Variants in SLC22A24 observed in about 807,000 individuals in gnomAD.
SLC22A24 encodes steroid transmembrane transporter SLC22A24.
A neutral mutation model predicts 49.8 loss-of-function variants in SLC22A24; 53 were observed. That is an observed-to-expected ratio of 1.06 (90% CI 0.85 to 1.34). SLC22A24 has a LOEUF of 1.34. Among genes scored for constraint, SLC22A24 ranks in the 40% most tolerant of loss-of-function variants. The pLI is 0.00. For missense variants in SLC22A24, 786 were observed against 675.9 expected (o/e 1.16, Z -1.81); for synonymous variants, 302 against 256.4 (o/e 1.18, Z -1.70).
chr11:63,106,740 T>C (rs1244631961), intron 4 of SLC22A24, among the ~76,000 whole-genome samples: 1 of 152,220 alleles, frequency 6.6e-6, no homozygotes, highest in Non-Finnish European at 1.5e-5. Context: ...TTGAGAAGTG[T>C]CTGTTCATAT....
At chr11:63,123,770 T>C (rs181581586) in intron 2 of SLC22A24, among the ~76,000 whole-genome samples, 2 of 152,304 alleles carry the variant, frequency 1.3e-5, no homozygotes, top group East Asian at 3.9e-4. Flanking sequence ...ACTCTTATTG[T>C]CTCTACCTCT....
Position 63,081,060 on chromosome 11 carries a change from C to G in SLC22A24, c.1458G>C (p.Leu486Phe). 6.4e-7 allele frequency: 1 copy of G among 1,551,674 alleles called. No individual in the cohort carries two copies. Among genetic ancestry groups the G allele is most frequent in the South Asian group, 1.2e-5 (1 of 84,054 alleles). The change falls in exon 9 of 10, where the codon TTG becomes TTC. Residue 486 changes from leucine (L) to phenylalanine (F), a missense_variant. Transcript: ENST00000612278. ...GGGGAGAATACGCCATTAAGGTCAT[C>G]AACAGAGGAGCCAGTGCTGCCCCAG... ...GRTGAALAPL[L>F]MTLMAYSPHL...
intron 1 of SLC22A24, among the ~76,000 whole-genome samples, chr11:63,142,806 C>G (rs750318869): frequency 2.0e-5 from 3 of 152,120 alleles, no homozygotes; most frequent in Non-Finnish European, 4.4e-5. Context: ...TCAGTCAGCA[C>G]TCTTGGCTCA....
chr11:63,108,814 C>A (rs1356979640), intron 4 of SLC22A24, among the ~76,000 whole-genome samples: 2 of 143,226 alleles, frequency 1.4e-5, no homozygotes, highest in African/African-American at 5.1e-5. Context: ...CTATTTGATT[C>A]TTTTTTTTTT....
chr11:63,107,644 G>A (rs2087130567), intron 4 of SLC22A24, among the ~76,000 whole-genome samples: 1 of 151,918 alleles, frequency 6.6e-6, no homozygotes, highest in South Asian at 2.1e-4. Context: ...GAAAAGTACT[G>A]TCACATCCCT....
At position 63,081,025 on chromosome 11, in the gene SLC22A24, C is replaced by A. The variant is rs1376689709; in HGVS notation, c.1493G>T (p.Trp498Leu). 1 of 1,551,556 alleles carries A rather than the reference C, an allele frequency of 6.4e-7. No individual in the cohort carries two copies. Among genetic ancestry groups the A allele is most frequent in the African/African-American group, 1.4e-5 (1 of 73,030 alleles). Residue 498 changes from tryptophan to leucine, a missense_variant, in exon 9 of 10, where the codon TGG becomes TTG. By Grantham distance (61) the Trp-to-Leu change is moderately conservative. Coordinates refer to ENST00000612278, the MANE Select transcript of SLC22A24 (RefSeq NM_001136506.2). ...TLMAYSPHLP[W>L]ISYGVFPILA... ...GATGGGGAAGACTCCATAGGAAATCCAGGGTAGGTGGGGAGAATACGCCAT... is the reference window on the plus strand; with the variant it reads ...GATGGGGAAGACTCCATAGGAAATCAAGGGTAGGTGGGGAGAATACGCCAT...
intron 2 of SLC22A24, among the ~76,000 whole-genome samples, chr11:63,121,860 A>G (rs1590744803): frequency 6.6e-6 from 1 of 152,072 alleles, no homozygotes; most frequent in African/African-American, 2.4e-5. Context: ...TCATTGTTCA[A>G]TTCCCACCTA....
chr11:63,122,974 A>G (rs2087262842), intron 2 of SLC22A24, among the ~76,000 whole-genome samples: 1 of 152,198 alleles, frequency 6.6e-6, no homozygotes, highest in South Asian at 2.1e-4. Flanking sequence ...GAAATATTAG[A>G]TATCCTCCTT....
At chr11:63,089,437 AAATACT>A (rs1355687203) in intron 6 of SLC22A24, among the ~76,000 whole-genome samples, 1 of 152,232 alleles carries the variant, frequency 6.6e-6, no homozygotes, top group Non-Finnish European at 1.5e-5. Flanking sequence ...TATGGAAAGG[AAATACT>A]GGTACCAGCC....
chr11:63,101,457 C>A (rs1490321042), intron 5 of SLC22A24, among the ~76,000 whole-genome samples: 1 of 151,746 alleles, frequency 6.6e-6, no homozygotes, highest in Non-Finnish European at 1.5e-5. Flanking sequence ...TAAATTAATG[C>A]TGATATTCAA....
At chr11:63,080,878 T>C in intron 9 of SLC22A24, 42 bp downstream of exon 9, 1 of 1,507,440 alleles carries the variant, frequency 6.6e-7, no homozygotes, top group Non-Finnish European at 9.0e-7. Context: ...CTACAGCACA[T>C]AGCCACTCCC....
chr11:63,092,158 A>G (rs1336367386), intron 6 of SLC22A24, among the ~76,000 whole-genome samples: 4 of 152,060 alleles, frequency 2.6e-5, no homozygotes, highest in African/African-American at 7.2e-5. Flanking sequence ...CACAATTGCT[A>G]CAAACGGAAT....
chr11:63,106,299 A>G (rs918385870), intron 4 of SLC22A24, among the ~76,000 whole-genome samples: 1 of 152,134 alleles, frequency 6.6e-6, no homozygotes, highest in Admixed American at 6.5e-5. Flanking sequence ...TTCATGGTGT[A>G]TATGTGCCAC....
intron 6 of SLC22A24, among the ~76,000 whole-genome samples, chr11:63,093,478 G>A (rs138715879): frequency 0.039 from 5,921 of 152,270 alleles, 167 homozygotes; most frequent in Non-Finnish European, 0.063. Context: ...TAAAGAAAAT[G>A]TGGCACATAT....
At chr11:63,089,576 C>A (rs1403484477) in intron 6 of SLC22A24, among the ~76,000 whole-genome samples, 1 of 152,078 alleles carries the variant, frequency 6.6e-6, no homozygotes, top group African/African-American at 2.4e-5. Context: ...ACAATATTAA[C>A]CTTAAATGTA....
chr11:63,111,752 T>G (rs1354513344), intron 4 of SLC22A24, among the ~76,000 whole-genome samples: 1 of 152,212 alleles, frequency 6.6e-6, no homozygotes, highest in Non-Finnish European at 1.5e-5. Flanking sequence ...TTTTCTGTAT[T>G]AGACTTGCTA....
intron 7 of SLC22A24, among the ~76,000 whole-genome samples, chr11:63,082,162 G>T (rs1039846377): frequency 6.6e-6 from 1 of 152,180 alleles, no homozygotes; most frequent in African/African-American, 2.4e-5. Context: ...AACAATTTTA[G>T]ATATGGGACA....
At chr11:63,090,334 TTGAACTCAGCTC>T (rs1283925236) in intron 6 of SLC22A24, among the ~76,000 whole-genome samples, 1 of 151,966 alleles carries the variant, frequency 6.6e-6, no homozygotes, top group Non-Finnish European at 1.5e-5. Flanking sequence ...TATTCAGGAC[TTGAACTCAGCTC>T]TGAACCAAGC....
rs1939747 is a variant in SLC22A24 at position 63,144,186 on chromosome 11, T to C, written c.-407A>G. On this transcript the variant is annotated 5_prime_UTR_variant, in exon 1 of 10. Coordinates refer to ENST00000612278, the MANE Select transcript of SLC22A24 (RefSeq NM_001136506.2). ...CTGTTCAATAGTCTGCCATTCTTCT[T>C]AGAAATGGGATATTAGAAAATCCAA... 119,899 of 157,238 alleles carry C rather than the reference T, an allele frequency of 0.76. 47,338 individuals are homozygous for C. The highest frequency in any genetic ancestry group is 0.9 in the East Asian group (4,890 of 5,420). The allele number at this position is 157,238 out of a possible 1,614,324, so 9.7% of individuals were successfully genotyped here.
Sources: gnomAD v4.1 joint callset for allele counts (sites outside exome capture counted in the v4.1 genomes callset) on GRCh38, gnomAD v4.1.1 for gene constraint, MANE v1.5 for transcripts, NCBI Gene and HGNC (gene_info 2026-07-23, HGNC 2026-07-21) for gene names.